Variants in CCDC102B observed in about 807,000 individuals in gnomAD.
CCDC102B encodes the protein coiled-coil domain containing 102B, also known as coiled-coil domain-containing protein 102B.
In CCDC102B, 75 loss-of-function variants were observed where a neutral mutation model predicts 57.4. That is an observed-to-expected ratio of 1.31 (90% CI 1.08 to 1.58). The LOEUF is 1.58. CCDC102B is among the 40% of genes most tolerant of loss of function. The probability of loss-of-function intolerance (pLI) is 0.00; values close to 1 mark genes in which losing one functional copy is unlikely to be tolerated. For missense variants in CCDC102B, 636 were observed against 582.6 expected (o/e 1.09, Z -0.94); for synonymous variants, 206 against 201.9 (o/e 1.02, Z -0.17).
In CCDC102B at chr18:68,965,936, A is replaced by G. The variant is rs771882972; in HGVS notation, c.1264-44998A>G. ...CCAAATTCTCCACTCAGTTTATGCT[A>G]TCACCCACAGTTGAGACACTCCTGT... On this transcript the variant is annotated intron_variant, in intron 6 of 7. Transcript: ENST00000360242. Among the ~76,000 whole-genome samples the G allele has an allele frequency of 8.3e-4, 126 of 152,230 alleles. 1 individual carries two copies. The highest frequency in any genetic ancestry group is 1.5e-3 in the Non-Finnish European group (99 of 67,992).
chr18:69,004,747 A>T (rs970282418), intron 6 of CCDC102B, among the ~76,000 whole-genome samples: 8 of 152,178 alleles, frequency 5.3e-5, no homozygotes, highest in Non-Finnish European at 7.3e-5. Context: ...AAGGTTAGAG[A>T]TCGTATCTAA....
At position 68,837,325 on chromosome 18, in the gene CCDC102B, T is replaced by G. The variant is rs745663500; in HGVS notation, c.562T>G (p.Leu188Val). The change falls in exon 2 of 8, where the codon TTG becomes GTG. Residue 188 changes from leucine to valine, a missense_variant. Coordinates refer to ENST00000360242, the MANE Select transcript of CCDC102B (RefSeq NM_024781.3). Reference sequence around the variant, plus strand: ...AATGCATGAGTCTATCAGAGAGTATTTGGTAAAAAGACAATTTTCTACAAA... The same window carrying G: ...AATGCATGAGTCTATCAGAGAGTATGTGGTAAAAAGACAATTTTCTACAAA... ...SQMHESIREYLVKRQFSTKED... is the reference protein window; with the variant it reads ...SQMHESIREYVVKRQFSTKED... 6.2e-7 allele frequency: 1 copy of G among 1,611,274 alleles called. No homozygotes were observed. The highest frequency in any genetic ancestry group is 1.1e-5 in the South Asian group (1 of 90,416).
At chr18:68,810,680 GTTTTTTT>G (rs61714863) in intron 1 of CCDC102B, among the ~76,000 whole-genome samples, 12 of 77,048 alleles carry the variant, frequency 1.6e-4, no homozygotes, top group African/African-American at 2.0e-4. Flanking sequence ...TCTTTTCTTT[GTTTTTTT>G]TTTTTTTTTT....
intron 7 of CCDC102B, among the ~76,000 whole-genome samples, chr18:69,053,293 A>G (rs2052752863): frequency 6.6e-6 from 1 of 150,536 alleles, no homozygotes; most frequent in African/African-American, 2.4e-5. Flanking sequence ...AAAATGATAC[A>G]TTTTCAATAA....
intron 4 of CCDC102B, among the ~76,000 whole-genome samples, chr18:68,851,955 T>C (rs1389398206): frequency 2.6e-5 from 4 of 152,174 alleles, no homozygotes; most frequent in African/African-American, 9.7e-5. Flanking sequence ...AAGCTTCTGT[T>C]TTATTTTTTC....
chr18:68,974,164 C>G (rs572483907), intron 6 of CCDC102B, among the ~76,000 whole-genome samples: 3 of 152,002 alleles, frequency 2.0e-5, no homozygotes, highest in African/African-American at 7.2e-5. Context: ...GTATTGGGAG[C>G]CTTATGGGAG....
chr18:68,729,181 GAC>G (rs1263972143), intron 2 of CCDC102B, among the ~76,000 whole-genome samples: 4 of 152,070 alleles, frequency 2.6e-5, no homozygotes, highest in African/African-American at 9.7e-5. Context: ...AGAAAATTAT[GAC>G]ACTTTTTAAA....
At chr18:69,019,773 G>T (rs1012725058) in intron 7 of CCDC102B, among the ~76,000 whole-genome samples, 2 of 152,088 alleles carry the variant, frequency 1.3e-5, no homozygotes, top group Non-Finnish European at 2.9e-5. Flanking sequence ...GAATAGAAAT[G>T]ACGAGGGTGA....
At chr18:68,922,277 T>A (rs2041309078) in intron 6 of CCDC102B, among the ~76,000 whole-genome samples, 1 of 152,210 alleles carries the variant, frequency 6.6e-6, no homozygotes, top group Non-Finnish European at 1.5e-5. Context: ...ATGTAGATTA[T>A]GGGTTGTTAA....
chr18:68,748,354 C>T (rs2033712969), intron 2 of CCDC102B, among the ~76,000 whole-genome samples: 1 of 151,832 alleles, frequency 6.6e-6, no homozygotes, highest in Admixed American at 6.6e-5. Context: ...AGGATTTTCT[C>T]ATTGTATGCA....
intron 3 of CCDC102B, among the ~76,000 whole-genome samples, chr18:68,840,215 G>T (rs2037568597): frequency 6.6e-6 from 1 of 152,028 alleles, no homozygotes; most frequent in South Asian, 2.1e-4. Context: ...GGCAGAACCA[G>T]AAAAGCAAGA....
At chr18:68,780,420 TCCTCCCATCAATA>T (rs2034967834) in intron 2 of CCDC102B, among the ~76,000 whole-genome samples, 1 of 151,902 alleles carries the variant, frequency 6.6e-6, no homozygotes. Context: ...CATTTTGCAT[TCCTCCCATCAATA>T]TGTAAGGATT....
At chr18:68,954,583 C>T (rs1399682611) in intron 6 of CCDC102B, among the ~76,000 whole-genome samples, 1 of 152,048 alleles carries the variant, frequency 6.6e-6, no homozygotes, top group African/African-American at 2.4e-5. Context: ...AAAATGCTTC[C>T]TTAGGAAATC....
intron 3 of CCDC102B, among the ~76,000 whole-genome samples, chr18:68,840,944 G>T (rs2037600142): frequency 6.6e-6 from 1 of 152,086 alleles, no homozygotes; most frequent in Non-Finnish European, 1.5e-5. Context: ...CCATAGACAG[G>T]CCAAAGAATA....
chr18:68,991,355 C>G (rs1272127157), intron 6 of CCDC102B, among the ~76,000 whole-genome samples: 2 of 152,172 alleles, frequency 1.3e-5, no homozygotes, highest in Non-Finnish European at 2.9e-5. Context: ...GCATTTTCAA[C>G]AGCAACAAAA....
chr18:69,002,186 T>C (rs911861722), intron 6 of CCDC102B, among the ~76,000 whole-genome samples: 1 of 152,150 alleles, frequency 6.6e-6, no homozygotes, highest in African/African-American at 2.4e-5. Context: ...ATAGCAACAA[T>C]AGACTTGAAA....
intron 4 of CCDC102B, among the ~76,000 whole-genome samples, chr18:68,870,241 T>C (rs1472851741): frequency 2.0e-5 from 3 of 152,092 alleles, no homozygotes; most frequent in Non-Finnish European, 4.4e-5. Context: ...GATGAATGCA[T>C]GCAGGGCTTA....
intron 5 of CCDC102B, among the ~76,000 whole-genome samples, chr18:68,888,583 A>G (rs1032164673): frequency 1.4e-4 from 21 of 152,198 alleles, no homozygotes; most frequent in Non-Finnish European, 2.6e-4. Flanking sequence ...AGATGTGACA[A>G]CTAAAATCAT....
intron 6 of CCDC102B, among the ~76,000 whole-genome samples, chr18:68,917,129 G>A (rs762155954): frequency 2.8e-4 from 42 of 152,258 alleles, no homozygotes; most frequent in Middle Eastern, 3.4e-3. Flanking sequence ...TTTGGTTAAC[G>A]TTTGTATCTT....
Sources: allele counts gnomAD v4.1 joint callset (sites outside exome capture counted in the v4.1 genomes callset), GRCh38; gene constraint gnomAD v4.1.1; transcripts MANE v1.5; gene names NCBI Gene and HGNC (gene_info 2026-07-23, HGNC 2026-07-21).